The following HECTD4 variants were observed in gnomAD, a reference collection of about 807,000 sequenced individuals.
HECTD4 encodes the protein HECT domain E3 ubiquitin protein ligase 4, also known as probable E3 ubiquitin-protein ligase HECTD4.
HECTD4 carries 114 observed loss-of-function variants against 471.5 expected under a neutral mutation model. The observed-to-expected ratio is 0.24, with a 90% CI of 0.21 to 0.28. The LOEUF is 0.28. Among genes scored for constraint, HECTD4 ranks in the 10% least tolerant of loss-of-function variants. The probability of loss-of-function intolerance (pLI) is 1.00; values close to 1 mark genes in which losing one functional copy is unlikely to be tolerated. For missense variants in HECTD4, 3,866 were observed against 5,651.5 expected, an observed-to-expected ratio of 0.68 and a Z score of 10.13; for synonymous variants, 2,012 against 2,256.0, an observed-to-expected ratio of 0.89 and a Z score of 3.07.
chr12:112,295,975 T>C (rs2035000979), intron 7 of HECTD4, among the ~76,000 whole-genome samples: 2 of 152,124 alleles, frequency 1.3e-5, no homozygotes, highest in Non-Finnish European at 2.9e-5. Flanking sequence ...TAAGGTGATA[T>C]TTGAGCAGAG....
chr12:112,222,308 C>T (rs1371124977), intron 44 of HECTD4, among the ~76,000 whole-genome samples: 3 of 151,964 alleles, frequency 2.0e-5, no homozygotes, highest in East Asian at 1.9e-4. Context: ...CCACCTACCT[C>T]GGCCTCTCAA....
At chr12:112,296,660 G>A (rs1291183606) in intron 7 of HECTD4, among the ~76,000 whole-genome samples, 2 of 151,050 alleles carry the variant, frequency 1.3e-5, no homozygotes, top group East Asian at 3.9e-4. Context: ...GGATGTAGGT[G>A]CAGAGGGTGT....
At chr12:112,232,316 G>A (rs2033401307) in intron 38 of HECTD4, among the ~76,000 whole-genome samples, 1 of 152,144 alleles carries the variant, frequency 6.6e-6, no homozygotes, top group African/African-American at 2.4e-5. Context: ...TTTTTTAGTA[G>A]ACAGGATTTT....
chr12:112,263,925 T>C (rs2135605624), intron 17 of HECTD4, among the ~76,000 whole-genome samples, 159 bp downstream of exon 17: 1 of 152,204 alleles, frequency 6.6e-6, no homozygotes, highest in East Asian at 1.9e-4. Context: ...TACTGTGTAA[T>C]GACATAAAAA....
intron 28 of HECTD4, 69 bp from the exon 29 acceptor site, chr12:112,247,145 G>A: frequency 7.9e-7 from 1 of 1,260,548 alleles, no homozygotes; most frequent in Non-Finnish European, 1.1e-6. Context: ...AAAAAAAAAT[G>A]TTTACAAAGA....
Position 112,163,192 on chromosome 12 carries a change from T to C in HECTD4, c.12970A>G (p.Met4324Val). ...TTGCACAGCTCCTCCTGGGTGAACA[T>C]CTCCAGGGCCCCCCAGAAGAACTCG... ...HIEFFWGALE[M>V]FTQEELCKFI... is the part of the protein sequence containing the mutation. Residue 4324 changes from methionine to valine, a missense_variant, in exon 75 of 76, where the codon ATG (methionine) becomes GTG (valine). Transcript: ENST00000682272. This position sits in a 1 kb window ranked among gnomAD's most constrained non-coding sequence, Gnocchi z 8.2. 6.2e-7 allele frequency: 1 copy of C among 1,613,918 alleles called. No homozygotes were observed. Among genetic ancestry groups the C allele is most frequent in the African/African-American group, 1.3e-5 (1 of 75,026 alleles).
intron 1 of HECTD4, among the ~76,000 whole-genome samples, chr12:112,362,652 C>T (rs1380008484): frequency 1.3e-5 from 2 of 151,842 alleles, no homozygotes; most frequent in Non-Finnish European, 2.9e-5. Context: ...AGGTGGGGAG[C>T]GTTATGTTAG....
intron 1 of HECTD4, among the ~76,000 whole-genome samples, chr12:112,329,713 A>G (rs1315090542): frequency 2.0e-5 from 3 of 152,230 alleles, no homozygotes; most frequent in Admixed American, 2.0e-4. Context: ...CATCAAATCC[A>G]TATCTAAAAT....
chr12:112,256,431 G>A lies in HECTD4; in HGVS notation c.3216C>T (p.Val1072=). 2 of 1,613,038 alleles carry A rather than the reference G, an allele frequency of 1.2e-6. No homozygotes were observed. Among genetic ancestry groups the A allele is most frequent in the Non-Finnish European group, 1.7e-6 (2 of 1,179,438 alleles). ...ATTTATAGTTGTCTCTGACGGGGTG[G>A]ACTGTTTCCACAGTCTTTCCAGCAG... ...PWAAGKTVET[V]HPVRDNYKFK... is the part of the protein sequence containing the mutation. Residue 1072 remains valine (V), a synonymous_variant, in exon 21 of 76, where the codon GTC becomes GTT. Transcript: ENST00000682272.
intron 60 of HECTD4, among the ~76,000 whole-genome samples, chr12:112,185,803 G>C (rs1164877260): frequency 6.6e-6 from 1 of 152,248 alleles, no homozygotes; most frequent in African/African-American, 2.4e-5. Flanking sequence ...AGGTTATGCA[G>C]CATGTTGGTG....
intron 70 of HECTD4, among the ~76,000 whole-genome samples, chr12:112,168,623 T>G (rs1430347109): frequency 2.0e-5 from 3 of 152,162 alleles, no homozygotes; most frequent in Non-Finnish European, 4.4e-5. Flanking sequence ...ATGGTGGGCC[T>G]GGCCCTCACC....
intron 9 of HECTD4, among the ~76,000 whole-genome samples, chr12:112,278,640 C>G (rs1331315069): frequency 6.6e-6 from 1 of 152,204 alleles, no homozygotes; most frequent in Non-Finnish European, 1.5e-5. Flanking sequence ...TGCCTGTAAT[C>G]CCAGCACTTT....
At chr12:112,376,099 C>T (rs1350814158) in intron 1 of HECTD4, among the ~76,000 whole-genome samples, 1 of 151,938 alleles carries the variant, frequency 6.6e-6, no homozygotes. Context: ...AATAAAAATT[C>T]CTATATGCCT....
intron 29 of HECTD4, among the ~76,000 whole-genome samples, chr12:112,246,416 C>T (rs1000598403): frequency 7.2e-5 from 11 of 152,058 alleles, no homozygotes; most frequent in Non-Finnish European, 1.3e-4. Flanking sequence ...GGCGGATCAC[C>T]AGAGGTCAGG....
In HECTD4 at chr12:112,192,623, G is replaced by C; in HGVS notation, c.9229C>G (p.Pro3077Ala). ...ASPANTGLAPPPTADQYPSVV... is the reference protein window; with the variant it reads ...ASPANTGLAPAPTADQYPSVV... ...GAGGGGTACTGGTCAGCGGTGGGGG[G>C]AGGTGCAAGCCCAGTGTTGGCTGGG... Residue 3077 changes from proline to alanine, a missense_variant, in exon 59 of 76, where the codon CCC becomes GCC. Pro to Ala is a conservative substitution (Grantham distance 27). Around this residue, in one of 16 missense-constraint regions of HECTD4, gnomAD observed 364 missense variants for 413.2 expected, o/e 0.88. Transcript: ENST00000682272. The C allele has an allele frequency of 6.2e-7, 1 of 1,609,840 alleles. No individual in the cohort carries two copies. Among genetic ancestry groups the C allele is most frequent in the African/African-American group, 1.3e-5 (1 of 75,024 alleles).
intron 7 of HECTD4, among the ~76,000 whole-genome samples, chr12:112,296,675 GCAGCAAGTGGTAACTA>G (rs1224417868): frequency 6.7e-6 from 1 of 149,808 alleles, no homozygotes. Flanking sequence ...GGGTGTAGGT[GCAGCAAGTGGTAACTA>G]CAGAGGGTGT....
chr12:112,294,890 T>C (rs1273421534), intron 7 of HECTD4, among the ~76,000 whole-genome samples: 1 of 152,194 alleles, frequency 6.6e-6, no homozygotes, highest in Non-Finnish European at 1.5e-5. Context: ...AAGTAAGTCT[T>C]GCCCCAACCA....
At chr12:112,189,975 T>C (rs2032024908) in intron 60 of HECTD4, among the ~76,000 whole-genome samples, 2 of 152,118 alleles carry the variant, frequency 1.3e-5, no homozygotes, top group African/African-American at 4.8e-5. Context: ...CTGGTCTCCA[T>C]ACTCCTGACC....
intron 47 of HECTD4, 89 bp downstream of exon 47, chr12:112,216,684 C>A: frequency 6.9e-7 from 1 of 1,445,804 alleles, no homozygotes; most frequent in South Asian, 1.3e-5. Context: ...CACTTGAAGA[C>A]AGAACTCTAT....
Sources: allele counts gnomAD v4.1 joint callset (sites outside exome capture counted in the v4.1 genomes callset), GRCh38; gene constraint gnomAD v4.1.1; regional missense constraint gnomAD v4.1.1; non-coding constraint Gnocchi (gnomAD v3.1); transcripts MANE v1.5; gene names NCBI Gene and HGNC (gene_info 2026-07-23, HGNC 2026-07-21).